PRKG1: variants seen among roughly 807,000 people sequenced by gnomAD.
The protein encoded by PRKG1 is protein kinase cGMP-dependent 1, also known as cGMP-dependent protein kinase 1.
In PRKG1, 35 loss-of-function variants were observed where a neutral mutation model predicts 88.1. The observed-to-expected ratio is 0.40, with a 90% CI of 0.30 to 0.53. The LOEUF is 0.53. PRKG1 is among the 20% of genes least tolerant of loss of function. The pLI, the probability that PRKG1 is intolerant of heterozygous loss-of-function variation, is 0.59. For missense variants in PRKG1, 540 were observed against 839.8 expected (o/e 0.64, Z 4.41); for synonymous variants, 303 against 292.5 (o/e 1.04, Z -0.37).
At chr10:51,584,652 A>G (rs1336713351) in intron 3 of PRKG1, among the ~76,000 whole-genome samples, 1 of 152,078 alleles carries the variant, frequency 6.6e-6, no homozygotes, top group African/African-American at 2.4e-5. Context: ...ATTGTTTCTG[A>G]GTACCTAATA....
intron 3 of PRKG1, chr10:51,695,780 G>T (rs1052087549): frequency 6.6e-6 from 1 of 152,120 alleles, no homozygotes; most frequent in African/African-American, 2.4e-5. Flanking sequence ...TGAAAACCTT[G>T]CAAACAAAGA....
At chr10:51,897,140 C>A (rs1345524891) in intron 4 of PRKG1, among the ~76,000 whole-genome samples, 2 of 152,170 alleles carry the variant, frequency 1.3e-5, no homozygotes, top group Admixed American at 1.3e-4. Flanking sequence ...GAAAAGTATA[C>A]TTGATGCAGA....
Position 51,738,284 on chromosome 10 carries a change from G to A in PRKG1, c.593-66301G>A, listed in dbSNP as rs966486932. Among the ~76,000 whole-genome samples, 12 of 152,182 alleles carry A rather than the reference G, an allele frequency of 7.9e-5. No individual in the cohort carries two copies. The East Asian group carries it at 9.7e-4, about 12-fold the overall frequency. On this transcript the variant is annotated intron_variant, in intron 3 of 17. Coordinates refer to ENST00000373980, the MANE Select transcript of PRKG1 (RefSeq NM_006258.4). ...AGTTTTTTGTTTTCTAAATTTGTGC[G>A]CTCAGTTTAGTCCTTCAAAAGGGAC...
At chr10:52,187,080 CTTTAT>C (rs1362548115) in intron 9 of PRKG1, among the ~76,000 whole-genome samples, 1 of 152,074 alleles carries the variant, frequency 6.6e-6, no homozygotes, top group Admixed American at 6.5e-5. Context: ...ATTTAGAAAA[CTTTAT>C]TTTTACTACT....
chr10:51,031,112 T>C (rs1843276621), intron 1 of PRKG1, among the ~76,000 whole-genome samples: 1 of 152,190 alleles, frequency 6.6e-6, no homozygotes, highest in African/African-American at 2.4e-5. Flanking sequence ...CTTGACTCTA[T>C]TTGCATTTTC....
chr10:51,403,276 C>T (rs1313484479), intron 2 of PRKG1, among the ~76,000 whole-genome samples: 1 of 152,102 alleles, frequency 6.6e-6, no homozygotes, highest in East Asian at 1.9e-4. Context: ...AGCATTCGAG[C>T]TACATATGGC....
At chr10:51,916,959 A>G (rs1295296414) in intron 5 of PRKG1, among the ~76,000 whole-genome samples, 1 of 152,200 alleles carries the variant, frequency 6.6e-6, no homozygotes, top group Admixed American at 6.5e-5. Context: ...AGTATATAAA[A>G]CAGACAAATC....
chr10:52,099,763 G>A (rs150418220), intron 7 of PRKG1, among the ~76,000 whole-genome samples: 84 of 152,234 alleles, frequency 5.5e-4, no homozygotes, highest in African/African-American at 2.0e-3. Context: ...GTATAAGCCT[G>A]GCTTGCCACT....
intron 4 of PRKG1, among the ~76,000 whole-genome samples, chr10:51,870,497 C>T (rs1026903282): frequency 3.3e-5 from 5 of 151,862 alleles, no homozygotes. Flanking sequence ...CATCTCCATC[C>T]CTAACTGCAA....
chr10:51,153,562 G>T (rs894644650), intron 2 of PRKG1, among the ~76,000 whole-genome samples: 2 of 151,950 alleles, frequency 1.3e-5, no homozygotes, highest in African/African-American at 4.8e-5. Context: ...ACATGGAAAA[G>T]TTAAAAATGT....
intron 2 of PRKG1, among the ~76,000 whole-genome samples, chr10:51,388,847 C>G (rs625639): frequency 0.82 from 124,611 of 152,148 alleles, 51,414 homozygotes; most frequent in Non-Finnish European, 0.85. Flanking sequence ...TTCTCACCAG[C>G]GTTCTAGTTT....
chr10:52,268,166 C>T (rs1841624989), intron 10 of PRKG1, among the ~76,000 whole-genome samples: 1 of 151,994 alleles, frequency 6.6e-6, no homozygotes, highest in African/African-American at 2.4e-5. Context: ...GTATAGAGTC[C>T]AAAGAAGGAA....
chr10:51,065,659 G>C (rs1843740829), intron 1 of PRKG1, among the ~76,000 whole-genome samples: 1 of 152,002 alleles, frequency 6.6e-6, no homozygotes, highest in African/African-American at 2.4e-5. Flanking sequence ...CATCAGAGAG[G>C]TGTGTTTTGC....
intron 1 of PRKG1, among the ~76,000 whole-genome samples, chr10:51,103,807 A>G (rs929777016): frequency 6.6e-6 from 1 of 152,180 alleles, no homozygotes; most frequent in Non-Finnish European, 1.5e-5. Context: ...GTATGAATAA[A>G]TGTATTGAGA....
intron 4 of PRKG1, among the ~76,000 whole-genome samples, chr10:51,826,689 G>A (rs1042386780): frequency 6.6e-6 from 1 of 152,136 alleles, no homozygotes; most frequent in African/African-American, 2.4e-5. Context: ...TCTTTACAGA[G>A]AGCTGGAACC....
intron 2 of PRKG1, among the ~76,000 whole-genome samples, chr10:51,397,405 G>A (rs1837608652): frequency 6.6e-6 from 1 of 152,066 alleles, no homozygotes; most frequent in Admixed American, 6.5e-5. Context: ...ACATGTACAT[G>A]TGGAATTTTT....
At chr10:52,023,289 C>T (rs973754215) in intron 5 of PRKG1, among the ~76,000 whole-genome samples, 4 of 152,134 alleles carry the variant, frequency 2.6e-5, no homozygotes, top group African/African-American at 7.2e-5. Context: ...TGTAAATGTG[C>T]CACATTTTCT....
At chr10:51,558,340 A>C (rs1230162621) in intron 3 of PRKG1, among the ~76,000 whole-genome samples, 1 of 152,120 alleles carries the variant, frequency 6.6e-6, no homozygotes, top group Non-Finnish European at 1.5e-5. Flanking sequence ...ACCAGGAATC[A>C]AGAAAAATTA....
chr10:52,137,852 T>A (rs1166378371), intron 8 of PRKG1, among the ~76,000 whole-genome samples: 2 of 152,128 alleles, frequency 1.3e-5, no homozygotes, highest in African/African-American at 2.4e-5. Context: ...TATTCTGTAA[T>A]CTGTTATGCA....
Sources: gnomAD v4.1 joint callset for allele counts (sites outside exome capture counted in the v4.1 genomes callset) on GRCh38, gnomAD v4.1.1 for gene constraint, MANE v1.5 for transcripts, NCBI Gene and HGNC (gene_info 2026-07-23, HGNC 2026-07-21) for gene names.